Variants in EPM2A observed in about 807,000 individuals in gnomAD.
EPM2A encodes the protein EPM2A glucan phosphatase, laforin.
A neutral mutation model predicts 26.5 loss-of-function variants in EPM2A; 21 were observed. The ratio of observed to expected loss-of-function variants is 0.79; its 90% CI spans 0.56 to 1.14. The LOEUF (loss-of-function observed/expected upper bound fraction) is 1.14, where lower values mean the gene tolerates loss of function less well. EPM2A is among the 50% of genes most tolerant of loss of function. The pLI, the probability that EPM2A is intolerant of heterozygous loss-of-function variation, is 0.00. For synonymous variants in EPM2A, 217 were observed against 177.6 expected (o/e 1.22, Z -1.76); for missense variants, 458 against 440.8 (o/e 1.04, Z -0.35).
chr6:145,396,313 T>G (rs953614685), intron 4 of EPM2A, among the ~76,000 whole-genome samples: 1 of 152,172 alleles, frequency 6.6e-6, no homozygotes, highest in African/African-American at 2.4e-5. Flanking sequence ...CTTTCCCATC[T>G]GAAGATCTCT....
chr6:145,461,159 T>C (rs1729393253), intron 4 of EPM2A, among the ~76,000 whole-genome samples: 1 of 152,196 alleles, frequency 6.6e-6, no homozygotes, highest in South Asian at 2.1e-4. Context: ...CTTAGAAGAC[T>C]AAACAATATT....
chr6:145,544,885 T>A (rs895885679), intron 2 of EPM2A, among the ~76,000 whole-genome samples: 3 of 152,214 alleles, frequency 2.0e-5, no homozygotes, highest in Non-Finnish European at 4.4e-5. Context: ...AAAATAACAA[T>A]CTTCATAATC....
Position 145,533,761 on chromosome 6 carries a change from C to T in EPM2A, c.341-31186G>A, listed in dbSNP as rs967015927. ...CCAGTAGATCCCTCCACCTCTCCCCCACCAATCACTTTCTGTCAAGCCCAC... is the reference window on the plus strand; with the variant it reads ...CCAGTAGATCCCTCCACCTCTCCCCTACCAATCACTTTCTGTCAAGCCCAC... On this transcript the variant is annotated intron_variant, in intron 2 of 3. Coordinates refer to the EPM2A transcript ENST00000450221. Among the ~76,000 whole-genome samples the T allele has an allele frequency of 7.2e-5, 11 of 152,280 alleles. No individual in the cohort carries two copies. The South Asian group carries it at 2.1e-3, about 29-fold the overall frequency.
chr6:145,449,200 T>A (rs1305416098), intron 4 of EPM2A, among the ~76,000 whole-genome samples: 2 of 152,340 alleles, frequency 1.3e-5, no homozygotes, highest in East Asian at 1.9e-4. Context: ...AACATTTTTT[T>A]AAAACATTTA....
intron 4 of EPM2A, among the ~76,000 whole-genome samples, chr6:145,392,163 T>C (rs1001499165): frequency 3.3e-5 from 5 of 152,166 alleles, no homozygotes; most frequent in African/African-American, 9.7e-5. Context: ...ACTTTTGACA[T>C]GCTTAAATTA....
At chr6:145,403,144 T>G (rs1319574987) in intron 4 of EPM2A, among the ~76,000 whole-genome samples, 4 of 152,154 alleles carry the variant, frequency 2.6e-5, no homozygotes, top group African/African-American at 9.7e-5. Context: ...GTACAGGAGA[T>G]GTTTTGATAT....
chr6:145,390,050 G>C (rs1778316713), intron 4 of EPM2A, among the ~76,000 whole-genome samples: 1 of 152,200 alleles, frequency 6.6e-6, no homozygotes, highest in Non-Finnish European at 1.5e-5. Context: ...GAGACACAGA[G>C]AGCAAGAAGG....
At chr6:145,396,424 A>C (rs1778406252) in intron 4 of EPM2A, among the ~76,000 whole-genome samples, 1 of 152,212 alleles carries the variant, frequency 6.6e-6, no homozygotes, top group African/African-American at 2.4e-5. Flanking sequence ...AATTATAGGA[A>C]AGTCCAAGTA....
At chr6:145,415,602 T>G (rs1317670728) in intron 4 of EPM2A, among the ~76,000 whole-genome samples, 40 of 152,186 alleles carry the variant, frequency 2.6e-4, no homozygotes, top group Non-Finnish European at 1.5e-5. Flanking sequence ...CATATAGACT[T>G]ATGAGGTGTT....
At chr6:145,617,243 T>A (rs772187747) in intron 2 of EPM2A, among the ~76,000 whole-genome samples, 9 of 152,124 alleles carry the variant, frequency 5.9e-5, no homozygotes, top group Non-Finnish European at 1.5e-5. Flanking sequence ...CTGCACAAGT[T>A]TTCTTCTTCT....
At chr6:145,685,688 A>G (rs772458387) in intron 2 of EPM2A, among the ~76,000 whole-genome samples, 3 of 152,222 alleles carry the variant, frequency 2.0e-5, no homozygotes, top group East Asian at 1.9e-4. Flanking sequence ...TAAAGCAGAT[A>G]ATCACATTCA....
At position 145,510,152 on chromosome 6, in the gene EPM2A, A is replaced by G. The variant is rs567339505; in HGVS notation, c.341-7577T>C. On this transcript the variant is annotated intron_variant, in intron 2 of 3. Coordinates refer to the EPM2A transcript ENST00000450221. ...CACACAATAATAGTGGTGGAATTCA[A>G]CACCCCACTTACAGCATTTGACAGC... Among the ~76,000 whole-genome samples the G allele has an allele frequency of 1.4e-4, 22 of 152,300 alleles. No homozygotes were observed. The South Asian group carries it at 3.9e-3, about 27-fold the overall frequency.
intron 4 of EPM2A, among the ~76,000 whole-genome samples, chr6:145,487,064 G>A (rs1322099598): frequency 6.6e-6 from 1 of 151,884 alleles, no homozygotes; most frequent in African/African-American, 2.4e-5. Flanking sequence ...TCATCATTTA[G>A]CTCCCACTCA....
rs181959545 is a variant in EPM2A, at chr6:145,677,203, A to T, written c.476+8919T>A. Among the ~76,000 whole-genome samples the T allele has an allele frequency of 2.9e-4, 44 of 152,300 alleles. 1 individual carries two copies. The highest frequency in any genetic ancestry group is 9.1e-4 in the African/African-American group (38 of 41,586). ...AAAACCACATGATTATCTCAATAGAAGCAGAAAATGCCTTCAACAAATTCA... is the reference window on the plus strand; with the variant it reads ...AAAACCACATGATTATCTCAATAGATGCAGAAAATGCCTTCAACAAATTCA... On this transcript the variant is annotated intron_variant, in intron 2 of 3. Transcript: ENST00000367519.
chr6:145,447,086 G>A (rs6900875), intron 4 of EPM2A, among the ~76,000 whole-genome samples: 95,955 of 151,826 alleles, frequency 0.63, 32,047 homozygotes, highest in East Asian at 0.8. Flanking sequence ...GTATGGTACT[G>A]AGAGCAAGAA....
chr6:145,576,111 C>T (rs1781027607), intron 2 of EPM2A, among the ~76,000 whole-genome samples: 1 of 152,174 alleles, frequency 6.6e-6, no homozygotes, highest in Admixed American at 6.5e-5. Flanking sequence ...GTTGAGATTA[C>T]AGGTGTGAGC....
chr6:145,604,503 AACC>A (rs1402408370), intron 2 of EPM2A, among the ~76,000 whole-genome samples: 4 of 152,122 alleles, frequency 2.6e-5, no homozygotes, highest in Non-Finnish European at 5.9e-5. Flanking sequence ...GTCTGCAAAA[AACC>A]ACCACTGGAA....
chr6:145,639,648 C>A (rs767251945), intron 2 of EPM2A: 9 of 152,100 alleles, frequency 5.9e-5, no homozygotes, highest in Non-Finnish European at 7.4e-5. Context: ...TCTGACATAT[C>A]TACAAATTAA....
intron 1 of EPM2A, 33 bp downstream of exon 1, chr6:145,735,165 T>C: frequency 7.6e-6 from 11 of 1,450,350 alleles, no homozygotes; most frequent in Non-Finnish European, 1.0e-5. Context: ...GAGCTCCCGC[T>C]CTGCGCCGGG....
Sources: allele counts gnomAD v4.1 joint callset (sites outside exome capture counted in the v4.1 genomes callset), GRCh38; gene constraint gnomAD v4.1.1; transcripts MANE v1.5; gene names NCBI Gene and HGNC (gene_info 2026-07-23, HGNC 2026-07-21).